The following OCA2 variants were observed in gnomAD, a reference collection of about 807,000 sequenced individuals.
OCA2 encodes the protein OCA2 melanosomal transmembrane protein, also known as P protein.
Under a neutral mutation model 100.2 loss-of-function variants are expected in OCA2, and 77 were observed. The ratio of observed to expected loss-of-function variants is 0.77; its 90% confidence interval spans 0.64 to 0.93. The LOEUF is 0.93. Ranked by LOEUF, OCA2 falls within the 40% of genes least tolerant of loss-of-function variation. The pLI, the probability that OCA2 is intolerant of heterozygous loss-of-function variation, is 0.00. For missense variants in OCA2, 1,062 were observed against 1,089.1 expected (o/e 0.98, Z 0.35); for synonymous variants, 432 against 439.2 (o/e 0.98, Z 0.21).
chr15:27,776,974 T>TGGGGGGGGGGGGGGGGGGGGGGGG (rs368182175), intron 23 of OCA2, among the ~76,000 whole-genome samples: 2 of 43,234 alleles, frequency 4.6e-5, no homozygotes, highest in Non-Finnish European at 7.2e-5. Flanking sequence ...GAGCGTGAGG[T>TGGGGGGGGGGGGGGGGGGGGGGGG]GGGGGGGGGT....
At chr15:27,806,460 C>A (rs2151198223) in intron 23 of OCA2, among the ~76,000 whole-genome samples, 1 of 152,266 alleles carries the variant, frequency 6.6e-6, no homozygotes, top group African/African-American at 2.4e-5. Flanking sequence ...CAGACGTGAG[C>A]ATAGGTGGCA....
intron 23 of OCA2, among the ~76,000 whole-genome samples, chr15:27,833,496 T>C (rs937710167): frequency 2.0e-5 from 3 of 152,280 alleles, no homozygotes; most frequent in Non-Finnish European, 4.4e-5. Context: ...ATTTACTCTT[T>C]AGTCCTTCTA....
chr15:27,724,101 AGGCTTTCTAGAG>A, the OCA2 span, among the ~76,000 whole-genome samples: 2 of 152,158 alleles, frequency 1.3e-5, no homozygotes, highest in African/African-American at 4.8e-5. Context: ...AGGTGGCCAA[AGGCTTTCTAGAG>A]GGCTCTATCT....
At chr15:27,947,480 G>T (rs1228415860) in intron 18 of OCA2, among the ~76,000 whole-genome samples, 2 of 152,120 alleles carry the variant, frequency 1.3e-5, no homozygotes, top group Non-Finnish European at 2.9e-5. Context: ...GTCCCTCAGG[G>T]CTCTCCTCTC....
chr15:27,757,116 G>A (rs73370353), intron 23 of OCA2, among the ~76,000 whole-genome samples: 15,457 of 152,270 alleles, frequency 0.1, 1,415 homozygotes, highest in African/African-American at 0.24. Flanking sequence ...ACCTACTGCA[G>A]AGGTGGGATG....
rs144045155 is a variant in OCA2, at chr15:28,053,775, G to A, written c.228-21612C>T. Among the ~76,000 whole-genome samples the A allele has an allele frequency of 1.1e-4, 17 of 152,288 alleles. No homozygotes were observed. In the East Asian group the frequency reaches 2.9e-3, roughly 26 times the overall value. On this transcript the variant is annotated intron_variant, in intron 2 of 23. Transcript: ENST00000354638. ...GCCTATTCTGGGCACTTTGTCTCACGATGCTCAGCGCAACCACGGGCAGGA... is the reference window on the plus strand; with the variant it reads ...GCCTATTCTGGGCACTTTGTCTCACAATGCTCAGCGCAACCACGGGCAGGA...
chr15:27,847,964 C>T (rs2035598325), intron 22 of OCA2, among the ~76,000 whole-genome samples: 1 of 152,230 alleles, frequency 6.6e-6, no homozygotes, highest in Admixed American at 6.5e-5. Flanking sequence ...CACCTGCCAG[C>T]AACACACAGA....
intron 23 of OCA2, among the ~76,000 whole-genome samples, chr15:27,819,577 G>C (rs2151262950): frequency 6.6e-6 from 1 of 152,294 alleles, no homozygotes; most frequent in East Asian, 1.9e-4. Flanking sequence ...ATGGGAATTA[G>C]GTTTCTCCCT....
At position 27,913,886 on chromosome 15, in the gene OCA2, A is replaced by G. The variant is rs199705912; in HGVS notation, c.2079+12241T>C. Among the ~76,000 whole-genome samples the G allele has an allele frequency of 0.017, 979 of 57,138 alleles. 163 individuals are homozygous for G. In the East Asian group the frequency reaches 0.32, roughly 18 times the overall value. The allele number at this position is 57,138 out of a possible 152,430, so 37.5% of individuals were successfully genotyped here. ...AAGAAAGAAAGAAAGAAAGAAAGAA[A>G]GAAAGAAAGCAAGCAAGCAAGCAAG... On this transcript the variant is annotated intron_variant, in intron 19 of 23. Coordinates refer to ENST00000354638, the MANE Select transcript of OCA2 (RefSeq NM_000275.3).
At chr15:27,955,112 C>CT in intron 17 of OCA2, 46 bp downstream of exon 17, 1 of 1,367,678 alleles carries the variant, frequency 7.3e-7, no homozygotes, top group South Asian at 1.2e-5. Context: ...TCACTCTCTT[C>CT]TTGGAGAAGT....
intron 1 of OCA2, among the ~76,000 whole-genome samples, chr15:28,094,432 G>C (rs1168564230): frequency 6.6e-6 from 1 of 152,190 alleles, no homozygotes; most frequent in Non-Finnish European, 1.5e-5. Context: ...GCACAGGGCG[G>C]AGTATGCCAC....
intron 18 of OCA2, among the ~76,000 whole-genome samples, chr15:27,950,895 A>G (rs566215650): frequency 1.3e-5 from 2 of 152,366 alleles, no homozygotes; most frequent in East Asian, 3.9e-4. Context: ...AAAATAAGAT[A>G]AAAGTTGGGT....
the OCA2 span, among the ~76,000 whole-genome samples, chr15:27,738,361 C>T: frequency 6.6e-6 from 1 of 152,312 alleles, no homozygotes; most frequent in African/African-American, 2.4e-5. Flanking sequence ...CCAAGACCAC[C>T]GATGAGTGTC....
At chr15:27,843,587 G>A (rs1057301245) in intron 23 of OCA2, among the ~76,000 whole-genome samples, 13 of 152,146 alleles carry the variant, frequency 8.5e-5, no homozygotes, top group African/African-American at 2.9e-4. Flanking sequence ...GTCCCTTAGC[G>A]GCAGGGTCAG....
chr15:27,901,090 G>A (rs2037910315), intron 19 of OCA2, among the ~76,000 whole-genome samples: 1 of 152,202 alleles, frequency 6.6e-6, no homozygotes, highest in Non-Finnish European at 1.5e-5. Context: ...CATTGGGATA[G>A]CTAACATTTT....
intron 17 of OCA2, among the ~76,000 whole-genome samples, chr15:27,952,958 C>T (rs2040086356): frequency 6.6e-6 from 1 of 152,168 alleles, no homozygotes; most frequent in African/African-American, 2.4e-5. Flanking sequence ...GCTAGGATTA[C>T]AGGTGTGAGC....
At chr15:27,910,020 A>G (rs2038325781) in intron 19 of OCA2, among the ~76,000 whole-genome samples, 1 of 152,222 alleles carries the variant, frequency 6.6e-6, no homozygotes, top group Non-Finnish European at 1.5e-5. Context: ...AGTGTGAAAC[A>G]AAGACGCAAT....
At chr15:28,017,389 C>G (rs1178354007) in intron 7 of OCA2, among the ~76,000 whole-genome samples, 1 of 152,144 alleles carries the variant, frequency 6.6e-6, no homozygotes, top group Non-Finnish European at 1.5e-5. Context: ...TATGCAAGTG[C>G]TGGGGAGGCA....
chr15:28,069,664 G>A lies in OCA2; in HGVS notation c.227+11984C>T, dbSNP rs989299915. ...AGTGATCTGCCAACCTCGGCCTCCC[G>A]AGGTGCCGGGATTGCAGACGGAGTC... On this transcript the variant is annotated intron_variant, in intron 2 of 23. Coordinates refer to ENST00000354638, the MANE Select transcript of OCA2 (RefSeq NM_000275.3). Among the ~76,000 whole-genome samples the A allele has an allele frequency of 2.2e-4, 32 of 146,418 alleles. 1 individual carries two copies. Among genetic ancestry groups the A allele is most frequent in the African/African-American group, 7.4e-4 (28 of 37,838 alleles).
Sources: gnomAD v4.1 joint callset for allele counts (sites outside exome capture counted in the v4.1 genomes callset) on GRCh38, gnomAD v4.1.1 for gene constraint, MANE v1.5 for transcripts, NCBI Gene and HGNC (gene_info 2026-07-23, HGNC 2026-07-21) for gene names.